CDH23: variants seen among roughly 807,000 people sequenced by gnomAD.
The protein encoded by CDH23 is cadherin related 23.
CDH23 carries 189 observed loss-of-function variants against 317.1 expected under a neutral mutation model. That is an observed-to-expected ratio of 0.60 (90% CI 0.53 to 0.67). The LOEUF is 0.67. Ranked by LOEUF, CDH23 falls within the 30% of genes least tolerant of loss-of-function variation. CDH23 has a pLI of 0.00. For synonymous variants in CDH23, 1,839 were observed against 1,876.8 expected (o/e 0.98, Z 0.52); for missense variants, 4,401 against 4,592.4 (o/e 0.96, Z 1.20).
intron 3 of CDH23, among the ~76,000 whole-genome samples, chr10:71,468,927 C>T (rs1447436544): frequency 6.6e-6 from 1 of 152,122 alleles, no homozygotes; most frequent in Non-Finnish European, 1.5e-5. Context: ...TGCCCTCAGG[C>T]TGGCTCTCAG....
chr10:71,759,846 C>CACATAT (rs776230069), intron 38 of CDH23, among the ~76,000 whole-genome samples: 1 of 59,930 alleles, frequency 1.7e-5, no homozygotes, highest in Non-Finnish European at 3.4e-5. Context: ...CACACACACA[C>CACATAT]ATATACACAC....
chr10:71,794,890 C>T (rs1841358863), intron 48 of CDH23, among the ~76,000 whole-genome samples: 2 of 152,110 alleles, frequency 1.3e-5, no homozygotes, highest in South Asian at 4.1e-4. Flanking sequence ...GAGTTGGGGC[C>T]ATGCAGGTAT....
chr10:71,585,581 C>T (rs1403066618), intron 9 of CDH23, among the ~76,000 whole-genome samples: 4 of 152,178 alleles, frequency 2.6e-5, no homozygotes, highest in Non-Finnish European at 4.4e-5. Context: ...TATACAAACA[C>T]GCTGGCCTGT....
At chr10:71,551,391 GAGA>G (rs1856588465) in intron 6 of CDH23, among the ~76,000 whole-genome samples, 1 of 152,184 alleles carries the variant, frequency 6.6e-6, no homozygotes, top group African/African-American at 2.4e-5. Flanking sequence ...GGGCCAGGAG[GAGA>G]AGGAGGGAGG....
At chr10:71,712,514 G>A in intron 27 of CDH23, 151 bp from the exon 28 acceptor site, 1 of 715,544 alleles carries the variant, frequency 1.4e-6, no homozygotes, top group Non-Finnish European at 2.4e-6. Flanking sequence ...TTATTCCTAA[G>A]CTAAAAAGGA....
intron 19 of CDH23, among the ~76,000 whole-genome samples, chr10:71,689,152 T>TCAGGGGTGTTGGAGC (rs1564734156): frequency 2.5e-5 from 2 of 80,250 alleles, no homozygotes; most frequent in Non-Finnish European, 2.4e-5. Flanking sequence ...GGTGGTGGAG[T>TCAGGGGTGTTGGAGC]CAGGGATGGT....
chr10:71,474,869 T>A (rs565374814), intron 3 of CDH23, among the ~76,000 whole-genome samples: 1 of 152,228 alleles, frequency 6.6e-6, no homozygotes, highest in African/African-American at 2.4e-5. Flanking sequence ...GTTGAATGAA[T>A]GAATAAACCT....
At chr10:71,542,270 T>C (rs1856029253) in intron 6 of CDH23, among the ~76,000 whole-genome samples, 1 of 152,216 alleles carries the variant, frequency 6.6e-6, no homozygotes, top group Non-Finnish European at 1.5e-5. Context: ...CTCTGCTCGC[T>C]CCATGTGACC....
At chr10:71,609,951 C>CGTGTGTGTGT (rs34311857) in intron 9 of CDH23, among the ~76,000 whole-genome samples, 98 of 142,868 alleles carry the variant, frequency 6.9e-4, no homozygotes, top group South Asian at 9.5e-4. Flanking sequence ...AGGACTCCCC[C>CGTGTGTGTGT]GTGTGTGTGT....
At chr10:71,499,931 C>T (rs770617695) in intron 3 of CDH23, among the ~76,000 whole-genome samples, 5 of 149,778 alleles carry the variant, frequency 3.3e-5, no homozygotes, top group South Asian at 2.1e-4. Flanking sequence ...GCAGGAGAAT[C>T]GCTTGAGCCT....
chr10:71,429,780 T>G (rs1398914323), intron 1 of CDH23, among the ~76,000 whole-genome samples: 1 of 152,126 alleles, frequency 6.6e-6, no homozygotes, highest in Non-Finnish European at 1.5e-5. Flanking sequence ...CTGCCAGACC[T>G]GTTAAATTTT....
At chr10:71,477,205 A>G (rs1564605001) in intron 3 of CDH23, among the ~76,000 whole-genome samples, 1 of 152,102 alleles carries the variant, frequency 6.6e-6, no homozygotes, top group Non-Finnish European at 1.5e-5. Context: ...GTCTTGCTCT[A>G]TCACCCAGGC....
intron 10 of CDH23, among the ~76,000 whole-genome samples, chr10:71,615,875 TCAGCGGGAGGCACA>T (rs1861160998): frequency 6.6e-6 from 1 of 152,218 alleles, no homozygotes; most frequent in African/African-American, 2.4e-5. Flanking sequence ...TTATCCCCTC[TCAGCGGGAGGCACA>T]CAGTAGGTGC....
chr10:71,694,529 A>G (rs985512606), intron 21 of CDH23, among the ~76,000 whole-genome samples: 1 of 152,168 alleles, frequency 6.6e-6, no homozygotes, highest in Non-Finnish European at 1.5e-5. Context: ...CCAGGAGGGC[A>G]GGTGGCAGAA....
chr10:71,600,066 G>A (rs569871366), intron 9 of CDH23, among the ~76,000 whole-genome samples: 10 of 142,474 alleles, frequency 7.0e-5, no homozygotes, highest in African/African-American at 2.1e-4. Flanking sequence ...GCAATGATGC[G>A]ATCTCGGCTT....
chr10:71,629,395 G>A (rs1343435513), intron 11 of CDH23, among the ~76,000 whole-genome samples: 4 of 152,190 alleles, frequency 2.6e-5, no homozygotes, highest in East Asian at 1.9e-4. Flanking sequence ...GCAGAAGAAC[G>A]TTCAGGCAGA....
intron 1 of CDH23, among the ~76,000 whole-genome samples, chr10:71,399,208 A>C (rs1847672239): frequency 6.6e-6 from 1 of 152,248 alleles, no homozygotes; most frequent in Non-Finnish European, 1.5e-5. Flanking sequence ...CTTGCTCCTC[A>C]GAGTGTGGCC....
chr10:71,697,532 G>T (rs1431053998), intron 22 of CDH23, among the ~76,000 whole-genome samples: 4 of 152,098 alleles, frequency 2.6e-5, no homozygotes, highest in African/African-American at 9.7e-5. Context: ...AAGTAGCCAG[G>T]TGTGGTGGTG....
intron 6 of CDH23, among the ~76,000 whole-genome samples, chr10:71,545,677 T>C (rs1301991753): frequency 6.6e-6 from 1 of 152,120 alleles, no homozygotes; most frequent in Non-Finnish European, 1.5e-5. Context: ...GCACCTTTCA[T>C]CTAGTGGGGG....
Sources: allele counts gnomAD v4.1 joint callset (sites outside exome capture counted in the v4.1 genomes callset), GRCh38; gene constraint gnomAD v4.1.1; transcripts MANE v1.5; gene names NCBI Gene and HGNC (gene_info 2026-07-23, HGNC 2026-07-21).